The following PCDH15 variants were observed in gnomAD, a reference collection of about 807,000 sequenced individuals.
PCDH15 encodes the protein protocadherin-15.
PCDH15 carries 129 observed loss-of-function variants against 178.5 expected under a neutral mutation model. That is an observed-to-expected ratio of 0.72 (90% confidence interval 0.63 to 0.84). The LOEUF (loss-of-function observed/expected upper bound fraction) is 0.84. PCDH15 is among the 40% of genes least tolerant of loss of function. The pLI, the probability that PCDH15 is intolerant of heterozygous loss-of-function variation, is 0.00. For synonymous variants in PCDH15, 800 were observed against 732.0 expected, an observed-to-expected ratio of 1.09 and a Z score of -1.50; for missense variants, 2,230 against 2,099.9, an observed-to-expected ratio of 1.06 and a Z score of -1.21.
At position 54,436,737 on chromosome 10, in the gene PCDH15, TTTA is replaced by T. The variant is rs758346011; in HGVS notation, c.158-57798_158-57796del. Among the ~76,000 whole-genome samples the T allele has an allele frequency of 1.5e-3, 223 of 152,320 alleles. 1 individual carries two copies. Among genetic ancestry groups the T allele is most frequent in the Admixed American group, 1.2e-3 (18 of 15,300 alleles). On this transcript the variant is annotated intron_variant, in intron 3 of 37. Coordinates refer to ENST00000644397, the MANE Select transcript of PCDH15 (RefSeq NM_001384140.1). ...TTAATCCCCAAACATAAAAACTGAATTTATTAAGTACCTACTAAAGTCTAGAAA... is the reference window on the plus strand; with the variant it reads ...TTAATCCCCAAACATAAAAACTGAATTTAAGTACCTACTAAAGTCTAGAAA...
In PCDH15 at chr10:54,989,299, C is replaced by T. The variant is rs528283906; in HGVS notation, c.-79-91799G>A. On this transcript the variant is annotated intron_variant, in intron 2 of 5. Transcript: ENST00000458638. ...AGAGCCCCCACACAGAGTCCCTACT[C>T]GGCACCACCTTATGGAGCTGTGAGA... Among the ~76,000 whole-genome samples, 9 of 152,298 alleles carry T rather than the reference C, an allele frequency of 5.9e-5. No individual in the cohort carries two copies. The South Asian group carries it at 8.3e-4, about 14-fold the overall frequency.
chr10:54,001,804 C>G (rs2092150136), intron 20 of PCDH15, among the ~76,000 whole-genome samples: 1 of 151,766 alleles, frequency 6.6e-6, no homozygotes, highest in Non-Finnish European at 1.5e-5. Context: ...AAAAAAAAGA[C>G]AAAATGATCT....
At chr10:55,537,336 A>C (rs922584639) in intron 2 of PCDH15, among the ~76,000 whole-genome samples, 1 of 152,096 alleles carries the variant, frequency 6.6e-6, no homozygotes, top group African/African-American at 2.4e-5. Flanking sequence ...TATTTGCTAC[A>C]TTTCATTCTA....
chr10:55,030,580 G>C (rs939412260), intron 2 of PCDH15, among the ~76,000 whole-genome samples: 4 of 152,144 alleles, frequency 2.6e-5, no homozygotes, highest in Non-Finnish European at 5.9e-5. Context: ...GGAAAAGTTA[G>C]ATCAAGTAAG....
chr10:54,527,307 T>C (rs1030212705), intron 3 of PCDH15, among the ~76,000 whole-genome samples: 2 of 152,152 alleles, frequency 1.3e-5, no homozygotes, highest in African/African-American at 4.8e-5. Flanking sequence ...AATTCAGACT[T>C]CTTTCTCTGC....
chr10:54,660,941 G>C (rs1296212104), intron 2 of PCDH15, among the ~76,000 whole-genome samples: 1 of 151,458 alleles, frequency 6.6e-6, no homozygotes, highest in African/African-American at 2.4e-5. Context: ...CAACAAACTA[G>C]GCATTGAAAA....
Position 54,317,458 on chromosome 10 carries a change from C to A in PCDH15, c.706-17G>T, listed in dbSNP as rs2061347990. Reference sequence around the variant, plus strand: ...GGCACGGTCCTGTTAGGGAGAAAAACAAACAACAGGTAGTTTATAGAAATT... The same window carrying A: ...GGCACGGTCCTGTTAGGGAGAAAAAAAAACAACAGGTAGTTTATAGAAATT... On this transcript the variant is annotated splice_polypyrimidine_tract_variant and intron_variant, in intron 7 of 37. Transcript: ENST00000644397. 3 of 1,612,868 alleles carry A rather than the reference C, an allele frequency of 1.9e-6. No individual in the cohort carries two copies.
rs537939803 is a variant in PCDH15 at position 53,954,658 on chromosome 10, C to A, written c.3122+5074G>T. On this transcript the variant is annotated intron_variant, in intron 23 of 37. Coordinates refer to ENST00000644397, the MANE Select transcript of PCDH15 (RefSeq NM_001384140.1). ...AAAGTAATTCATTGTATAAAATATT[C>A]AACCTTTAGCTTGAAGTCCAGAAAG... Among the ~76,000 whole-genome samples the A allele has an allele frequency of 4.6e-5, 7 of 152,232 alleles. No individual in the cohort carries two copies. In the East Asian group the frequency reaches 1.4e-3, roughly 29 times the overall value.
chr10:55,424,712 T>A (rs964336291), intron 2 of PCDH15, among the ~76,000 whole-genome samples: 1 of 152,020 alleles, frequency 6.6e-6, no homozygotes, highest in African/African-American at 2.4e-5. Context: ...AAATCTTATA[T>A]GAGAAAAAAT....
At chr10:55,200,450 T>C (rs1038684802) in intron 1 of PCDH15, among the ~76,000 whole-genome samples, 3 of 152,112 alleles carry the variant, frequency 2.0e-5, no homozygotes, top group Admixed American at 6.5e-5. Flanking sequence ...TAATTTGAAC[T>C]TGTGTTTTAT....
intron 2 of PCDH15, among the ~76,000 whole-genome samples, chr10:55,474,910 A>G (rs901322156): frequency 3.3e-5 from 5 of 151,978 alleles, no homozygotes; most frequent in Non-Finnish European, 7.4e-5. Context: ...TCTTCAAAAT[A>G]CTCTCTCCAA....
At chr10:53,811,165 G>A (rs1199412973) in intron 36 of PCDH15, among the ~76,000 whole-genome samples, 2 of 152,094 alleles carry the variant, frequency 1.3e-5, no homozygotes, top group Non-Finnish European at 1.5e-5. Context: ...TCTAAGGTGT[G>A]TTTTCTGTTT....
At chr10:55,030,960 G>C (rs566169589) in intron 2 of PCDH15, among the ~76,000 whole-genome samples, 1 of 151,152 alleles carries the variant, frequency 6.6e-6, no homozygotes, top group Non-Finnish European at 1.5e-5. Context: ...AAGAGAATTA[G>C]AAAAAAACTA....
At chr10:55,338,799 A>G (rs1394046308) in intron 2 of PCDH15, among the ~76,000 whole-genome samples, 1 of 152,292 alleles carries the variant, frequency 6.6e-6, no homozygotes, top group South Asian at 2.1e-4. Context: ...AAACAAAAAA[A>G]CAAACAAACA....
chr10:54,719,921 T>G (rs1297608180), intron 1 of PCDH15, among the ~76,000 whole-genome samples: 1 of 152,134 alleles, frequency 6.6e-6, no homozygotes, highest in Non-Finnish European at 1.5e-5. Context: ...TTATCCAGTC[T>G]ACTATTGATG....
chr10:54,703,709 T>C (rs1204408504), intron 1 of PCDH15, among the ~76,000 whole-genome samples: 2 of 151,788 alleles, frequency 1.3e-5, no homozygotes, highest in African/African-American at 2.4e-5. Flanking sequence ...TTACAAAACA[T>C]TGAGGAAATA....
intron 26 of PCDH15, among the ~76,000 whole-genome samples, chr10:53,878,949 A>G (rs1380445800): frequency 6.6e-6 from 1 of 152,166 alleles, no homozygotes. Flanking sequence ...GACATGCTGA[A>G]TAAGTTGGCT....
intron 7 of PCDH15, among the ~76,000 whole-genome samples, chr10:54,321,042 A>G (rs928193117): frequency 2.0e-5 from 3 of 149,858 alleles, no homozygotes; most frequent in Admixed American, 1.3e-4. Flanking sequence ...GGGGTGGTAA[A>G]CTTTTGTTAC....
At chr10:54,835,876 T>G (rs548151456) in intron 3 of PCDH15, among the ~76,000 whole-genome samples, 1 of 152,244 alleles carries the variant, frequency 6.6e-6, no homozygotes, top group East Asian at 1.9e-4. Flanking sequence ...GAAAGAAAGA[T>G]ACGGTATTTT....
Sources: gnomAD v4.1 joint callset for allele counts (sites outside exome capture counted in the v4.1 genomes callset) on GRCh38, gnomAD v4.1.1 for gene constraint, MANE v1.5 for transcripts, NCBI Gene and HGNC (gene_info 2026-07-23, HGNC 2026-07-21) for gene names.